The following FAF1 variants were observed in gnomAD, a reference collection of about 807,000 sequenced individuals.
The protein encoded by FAF1 is FAS-associated factor 1.
Under a neutral mutation model 92.5 loss-of-function variants are expected in FAF1, and 25 were observed. That is an observed-to-expected ratio of 0.27 (90% CI 0.20 to 0.38). The LOEUF is 0.38. Ranked by LOEUF, FAF1 falls within the 10% of genes least tolerant of loss-of-function variation. The probability of loss-of-function intolerance (pLI) is 1.00; values close to 1 mark genes in which losing one functional copy is unlikely to be tolerated. For missense variants in FAF1, 636 were observed against 793.3 expected, an observed-to-expected ratio of 0.80 and a Z score of 2.38; for synonymous variants, 234 against 273.2, an observed-to-expected ratio of 0.86 and a Z score of 1.42.
At chr1:50,748,977 T>C (rs1424454876) in intron 4 of FAF1, among the ~76,000 whole-genome samples, 1 of 152,204 alleles carries the variant, frequency 6.6e-6, no homozygotes, top group East Asian at 1.9e-4. Context: ...CTTAAAAAGA[T>C]CCCTATCTGA....
chr1:50,535,371 C>T lies in FAF1; in HGVS notation c.1492G>A (p.Glu498Lys). 1.2e-6 allele frequency: 2 copies of T among 1,601,620 alleles called. No individual in the cohort carries two copies. Among genetic ancestry groups the T allele is most frequent in the Non-Finnish European group, 1.7e-6 (2 of 1,169,308 alleles). Residue 498 changes from glutamate (E) to lysine (K), a missense_variant and splice_region_variant, in exon 15 of 19, where the codon GAG becomes AAG. Around this residue, in one of 2 missense-constraint regions of FAF1, gnomAD observed 319 missense variants for 451.0 expected, o/e 0.71. Coordinates refer to ENST00000396153, the MANE Select transcript of FAF1 (RefSeq NM_007051.3). ...ATTAAAGATCTGCATAACCTTACCTCGTCCTTTATATCTTCCTGTTGTTGG... is the reference window on the plus strand; with the variant it reads ...ATTAAAGATCTGCATAACCTTACCTTGTCCTTTATATCTTCCTGTTGTTGG... ...TAQQQEDIKD[E>K]DEREARENVK...
At chr1:50,810,330 C>A (rs1450983706) in intron 2 of FAF1, among the ~76,000 whole-genome samples, 1 of 152,100 alleles carries the variant, frequency 6.6e-6, no homozygotes, top group Non-Finnish European at 1.5e-5. Flanking sequence ...AAAAACAAAA[C>A]AACATGATCA....
intron 18 of FAF1, 23 bp downstream of exon 18, chr1:50,475,441 C>T: frequency 6.4e-7 from 1 of 1,571,304 alleles, no homozygotes; most frequent in Non-Finnish European, 8.7e-7. Context: ...GATATACTTC[C>T]TGAGATAGGT....
intron 1 of FAF1, among the ~76,000 whole-genome samples, chr1:50,861,374 G>C (rs1170941146): frequency 2.0e-5 from 3 of 151,804 alleles, no homozygotes; most frequent in African/African-American, 7.2e-5. Flanking sequence ...GGTTATGAAG[G>C]TAGAATCTTC....
chr1:50,596,048 A>T, intron 9 of FAF1, 73 bp downstream of exon 9: 3 of 956,482 alleles, frequency 3.1e-6, no homozygotes, highest in Non-Finnish European at 4.9e-6. Context: ...CTGGCAGATA[A>T]AAAAAAAGGG....
chr1:50,808,283 A>G (rs1006307981), intron 2 of FAF1, among the ~76,000 whole-genome samples: 1 of 152,318 alleles, frequency 6.6e-6, no homozygotes, highest in Non-Finnish European at 1.5e-5. Flanking sequence ...GAAAAGAAAG[A>G]CTAATACAGG....
intron 4 of FAF1, among the ~76,000 whole-genome samples, chr1:50,760,159 C>A (rs368482838): frequency 6.6e-6 from 1 of 152,056 alleles, no homozygotes; most frequent in African/African-American, 2.4e-5. Flanking sequence ...TATATGCACC[C>A]AATACAGGAG....
At chr1:50,820,139 G>T (rs143419644) in intron 2 of FAF1, among the ~76,000 whole-genome samples, 2 of 151,970 alleles carry the variant, frequency 1.3e-5, no homozygotes. Context: ...GGTGGAGAGG[G>T]TAGGGAAGAG....
Position 50,904,871 on chromosome 1 carries a change from ATTTTTTTCCTTT to A in FAF1, c.46-46886_46-46875del, listed in dbSNP as rs1007199494. On this transcript the variant is annotated intron_variant, in intron 1 of 18. Coordinates refer to ENST00000396153, the MANE Select transcript of FAF1 (RefSeq NM_007051.3). ...TTAAGCCATCTGAATAATATTTCCT[ATTTTTTTCCTTT>A]TTTTTTTCCTTTTTTTAATATACTT... Among the ~76,000 whole-genome samples, 28 of 150,782 alleles carry A rather than the reference ATTTTTTTCCTTT, an allele frequency of 1.9e-4. 1 individual carries two copies. Among genetic ancestry groups the A allele is most frequent in the South Asian group, 6.3e-4 (3 of 4,778 alleles).
intron 1 of FAF1, among the ~76,000 whole-genome samples, chr1:50,881,634 C>T (rs145649633): frequency 1.3e-5 from 2 of 152,184 alleles, no homozygotes; most frequent in African/African-American, 2.4e-5. Context: ...AAGTATCAAT[C>T]GGGAAGACCC....
At chr1:50,866,822 A>G (rs1387976134) in intron 1 of FAF1, among the ~76,000 whole-genome samples, 2 of 152,040 alleles carry the variant, frequency 1.3e-5, no homozygotes, top group African/African-American at 2.4e-5. Context: ...ATTCTTCACA[A>G]AACTAGAGAA....
At chr1:50,701,123 GAAGA>G (rs1399661171) in intron 7 of FAF1, among the ~76,000 whole-genome samples, 1 of 152,058 alleles carries the variant, frequency 6.6e-6, no homozygotes, top group Non-Finnish European at 1.5e-5. Context: ...CCCAGTTGCA[GAAGA>G]AATTATCTCT....
chr1:50,475,473 AG>A lies in FAF1; in HGVS notation c.1859del (p.Pro620LeufsTer5). Reference protein sequence around the residue: ...WDEYKLLSTFPRRDVTQLDPN... With the variant: ...WDEYKLLSTFXRRDVTQLDPN... ...AGGTATGGGAACTTACGTCTCTCCT[AG>A]GAAAGGTGCTCAGTAACTTGTACTC... On this transcript the variant is annotated frameshift_variant, in exon 18 of 19. Coordinates refer to ENST00000396153, the MANE Select transcript of FAF1 (RefSeq NM_007051.3). LOFTEE classifies it high-confidence loss of function. 1 of 1,612,596 alleles carries A rather than the reference AG, an allele frequency of 6.2e-7. No individual in the cohort carries two copies. The highest frequency in any genetic ancestry group is 8.5e-7 in the Non-Finnish European group (1 of 1,178,730).
chr1:50,579,150 T>A (rs1353117705), intron 12 of FAF1, among the ~76,000 whole-genome samples: 5 of 152,146 alleles, frequency 3.3e-5, no homozygotes. Context: ...AAACAAGAGC[T>A]TATATTCCTC....
At chr1:50,803,656 A>G in intron 2 of FAF1, among the ~76,000 whole-genome samples, 1 of 152,186 alleles carries the variant, frequency 6.6e-6, no homozygotes, top group East Asian at 1.9e-4. Context: ...ACACCTGGAT[A>G]AAATAATGCC....
chr1:50,649,368 C>A (rs1424608231), intron 8 of FAF1, among the ~76,000 whole-genome samples: 2 of 151,414 alleles, frequency 1.3e-5, no homozygotes, highest in Non-Finnish European at 2.9e-5. Flanking sequence ...TCAGGATGGT[C>A]TTGAACTCCT....
rs551086660 is a variant in FAF1 at position 50,760,341 on chromosome 1, G to T, written c.368-15566C>A. 9.3e-4 allele frequency among the ~76,000 whole-genome samples: 141 copies of T among 151,972 alleles called. 1 individual carries two copies. The highest frequency in any genetic ancestry group is 3.1e-3 in the African/African-American group (129 of 41,446). ...TCAGCTCTGCACCAAGCAGACCTAAGAGACATCTACAGAACTCTCCACCCC... is the reference window on the plus strand; with the variant it reads ...TCAGCTCTGCACCAAGCAGACCTAATAGACATCTACAGAACTCTCCACCCC... On this transcript the variant is annotated intron_variant, in intron 4 of 18. Transcript: ENST00000396153.
chr1:50,741,455 T>TA (rs1050985412), intron 5 of FAF1, among the ~76,000 whole-genome samples: 1 of 152,332 alleles, frequency 6.6e-6, no homozygotes, highest in Admixed American at 6.5e-5. Context: ...TGAAATGTAA[T>TA]AAAAAAGCTA....
intron 4 of FAF1, among the ~76,000 whole-genome samples, chr1:50,745,437 G>A (rs1411632973): frequency 2.0e-5 from 3 of 152,174 alleles, no homozygotes; most frequent in Non-Finnish European, 4.4e-5. Context: ...TGAATTTGTG[G>A]CCCTGCTCAA....
Sources: allele counts gnomAD v4.1 joint callset (sites outside exome capture counted in the v4.1 genomes callset), GRCh38; gene constraint gnomAD v4.1.1; regional missense constraint gnomAD v4.1.1; transcripts MANE v1.5; gene names NCBI Gene and HGNC (gene_info 2026-07-23, HGNC 2026-07-21).